The following FAAP20 variants were observed in gnomAD, a reference collection of about 807,000 sequenced individuals.
The protein encoded by FAAP20 is Fanconi anemia core complex-associated protein 20.
FAAP20 carries 12 observed loss-of-function variants against 16.2 expected under a neutral mutation model. That is an observed-to-expected ratio of 0.74 (90% CI 0.48 to 1.20). The LOEUF (loss-of-function observed/expected upper bound fraction) is 1.20. Among genes scored for constraint, FAAP20 ranks in the 50% most tolerant of loss-of-function variants. The pLI is 0.00. For missense variants in FAAP20, 288 were observed against 245.8 expected, an observed-to-expected ratio of 1.17 and a Z score of -1.15; for synonymous variants, 141 against 110.7, an observed-to-expected ratio of 1.27 and a Z score of -1.72.
chr1:2,202,976 T>C (rs1385992222), upstream of FAAP20, among the ~76,000 whole-genome samples: 1 of 152,160 alleles, frequency 6.6e-6, no homozygotes, highest in Non-Finnish European at 1.5e-5. Context: ...CTGGGGTCCA[T>C]CCTGCAGTGG....
chr1:2,198,988 T>C (rs1477617675), upstream of FAAP20: 1 of 1,285,242 alleles, frequency 7.8e-7, no homozygotes, highest in South Asian at 1.2e-5. Flanking sequence ...GGCCCACACA[T>C]GGGGTGCAAG....
At chr1:2,193,476 G>A in intron 3 of FAAP20, 163 bp downstream of exon 3, 4 of 1,154,532 alleles carry the variant, frequency 3.5e-6, no homozygotes, top group East Asian at 2.6e-5. Flanking sequence ...CCGTGACAGA[G>A]AGCCACCTGG....
At chr1:2,190,625 G>T (rs1688108745) in intron 3 of FAAP20, 1 of 350,836 alleles carries the variant, frequency 2.9e-6, no homozygotes, top group Non-Finnish European at 5.7e-6. Flanking sequence ...GGCGTGCTCA[G>T]CAGAGCTGCC....
At chr1:2,186,296 C>T (rs752126600), downstream of FAAP20, 19 of 243,788 alleles carry the variant, frequency 7.8e-5, no homozygotes, top group Non-Finnish European at 1.4e-4. Context: ...GTCTGTGCCG[C>T]GCCTTGCCTT....
At chr1:2,196,972 G>C (rs943470188), upstream of FAAP20, among the ~76,000 whole-genome samples, 2 of 152,200 alleles carry the variant, frequency 1.3e-5, no homozygotes, top group Non-Finnish European at 2.9e-5. The surrounding 1 kb of genome is among the most constrained non-coding windows in gnomAD (Gnocchi z 4.5). Context: ...CCCAACCCCA[G>C]GGTTCTGCTG....
At chr1:2,188,557 A>G (rs1687811329), downstream of FAAP20, among the ~76,000 whole-genome samples, 1 of 152,118 alleles carries the variant, frequency 6.6e-6, no homozygotes, top group Non-Finnish European at 1.5e-5. Flanking sequence ...TCCCATCGAG[A>G]GGCGCCGCCC....
rs1183147564 is a variant in FAAP20, at chr1:2,189,696, T to C, written c.*13A>G. 1 of 1,607,002 alleles carries C rather than the reference T, an allele frequency of 6.2e-7. No individual in the cohort carries two copies. Among genetic ancestry groups the C allele is most frequent in the Non-Finnish European group, 8.5e-7 (1 of 1,175,878 alleles). The stretch of plus-strand genomic sequence containing the variant: ...CCGGGCGCCGCACTCTGCGCAGGGC[T>C]CTTGGATGGCGCTCACCACGTCACG... On this transcript the variant is annotated 3_prime_UTR_variant, in exon 4 of 4. Transcript: ENST00000378546.
At position 2,189,629 on chromosome 1, in the gene FAAP20, G is replaced by A; in HGVS notation, c.*80C>T. On this transcript the variant is annotated 3_prime_UTR_variant, in exon 4 of 4. Transcript: ENST00000378546. ...GGAGCCGAGAGGCGGGGCTGCTGGC[G>A]GGGGAGCCGAGAGGCGGGGCTGCTG... 1.7e-6 allele frequency: 2 copies of A among 1,195,800 alleles called. No individual in the cohort carries two copies. Among genetic ancestry groups the A allele is most frequent in the Admixed American group, 1.8e-5 (1 of 54,306 alleles). The allele number at this position is 1,195,800 out of a possible 1,614,324, so 74.1% of individuals were successfully genotyped here.
upstream of FAAP20, chr1:2,200,493 G>A (rs1689007548): frequency 2.9e-6 from 1 of 346,220 alleles, no homozygotes. Context: ...AGGGAATGCC[G>A]GGGGCCCGGG....
At chr1:2,189,526 T>A (rs1687915397), downstream of FAAP20, 2 of 623,074 alleles carry the variant, frequency 3.2e-6, no homozygotes, top group East Asian at 2.8e-5. Flanking sequence ...AAACCAAACG[T>A]CAGAAAGAAA....
At chr1:2,207,676 G>A (rs1270102081), downstream of FAAP20, 1 of 152,286 alleles carries the variant, frequency 6.6e-6, no homozygotes, top group African/African-American at 2.4e-5. Flanking sequence ...ACCCTGGCAG[G>A]AGCACTGCCC....
rs144609669 is a variant in FAAP20 at position 2,189,721 on chromosome 1, G to C, written c.531C>G (p.Asp177Glu). 7 of 1,612,824 alleles carry C rather than the reference G, an allele frequency of 4.3e-6. No homozygotes were observed. Among genetic ancestry groups the C allele is most frequent in the Non-Finnish European group, 4.2e-6 (5 of 1,179,734 alleles). ...LAQCLAESTE[D>E]VTW ...TCTTGGATGGCGCTCACCACGTCAC[G>C]TCTTCTGTGCTTTCGGCCAAGCACT... is the stretch of plus-strand genomic sequence containing the variant. Residue 177 changes from aspartate to glutamate, a missense_variant, in exon 4 of 4, where the codon GAC becomes GAG. Asp to Glu is a conservative substitution (Grantham distance 45). Coordinates refer to ENST00000378546, the MANE Select transcript of FAAP20 (RefSeq NM_182533.4).
chr1:2,184,803 G>C, downstream of FAAP20: 1 of 1,380,192 alleles, frequency 7.2e-7, no homozygotes, highest in Admixed American at 2.0e-5. Flanking sequence ...AGTCCCACCC[G>C]CCTGGTGTCA....
downstream of FAAP20, among the ~76,000 whole-genome samples, chr1:2,209,966 C>G (rs912297990): frequency 1.3e-5 from 2 of 152,224 alleles, no homozygotes; most frequent in African/African-American, 4.8e-5. Flanking sequence ...CACGGGGCCT[C>G]TGTCCCACTG....
intron 1 of FAAP20, 22 bp from the exon 2 acceptor site, chr1:2,194,155 G>A: frequency 6.2e-7 from 1 of 1,611,224 alleles, no homozygotes; most frequent in South Asian, 1.1e-5. Flanking sequence ...AGAGAGGGCA[G>A]ACAGGGGGTA....
At chr1:2,211,826 C>T (rs1243559485), downstream of FAAP20, among the ~76,000 whole-genome samples, 5 of 151,724 alleles carry the variant, frequency 3.3e-5, no homozygotes, top group Non-Finnish European at 7.4e-5. Context: ...CTCAGGTGAT[C>T]CACCTGCCTC....
downstream of FAAP20, chr1:2,185,907 C>T (rs962763815): frequency 4.3e-5 from 15 of 345,534 alleles, no homozygotes; most frequent in Admixed American, 5.1e-4. Flanking sequence ...TAAAGTTGAA[C>T]GTGATGACCC....
chr1:2,211,639 C>T (rs545150257), downstream of FAAP20, among the ~76,000 whole-genome samples: 754 of 149,916 alleles, frequency 5.0e-3, 6 homozygotes, highest in African/African-American at 6.5e-3. Context: ...TTAGTAGTGA[C>T]GGGGTTTCAC....
chr1:2,203,747 C>G, upstream of FAAP20: 2 of 657,924 alleles, frequency 3.0e-6, no homozygotes, highest in Non-Finnish European at 3.8e-6. Context: ...CTCAGGGCAC[C>G]ACACTACTTG....
Sources: gnomAD v4.1 joint callset for allele counts (sites outside exome capture counted in the v4.1 genomes callset) on GRCh38, gnomAD v4.1.1 for gene constraint, Gnocchi (gnomAD v3.1) non-coding constraint, MANE v1.5 for transcripts, NCBI Gene and HGNC (gene_info 2026-07-23, HGNC 2026-07-21) for gene names.